DYSF: variants seen among roughly 807,000 people sequenced by gnomAD.
DYSF encodes the protein dysferlin, also known as dystrophy-associated fer-1-like 1.
A neutral mutation model predicts 274.9 loss-of-function variants in DYSF; 212 were observed. That is an observed-to-expected ratio of 0.77 (90% CI 0.69 to 0.86). The LOEUF is 0.86. DYSF is among the 40% of genes least tolerant of loss of function. The pLI, the probability that DYSF is intolerant of heterozygous loss-of-function variation, is 0.00. For missense variants in DYSF, 2,666 were observed against 2,783.2 expected (o/e 0.96, Z 0.95); for synonymous variants, 1,091 against 1,078.7 (o/e 1.01, Z -0.22).
At chr2:71,549,274 C>A in intron 17 of DYSF, 1 of 1,449,456 alleles carries the variant, frequency 6.9e-7, no homozygotes, top group Non-Finnish European at 9.6e-7. Context: ...GCTCTCCATC[C>A]ACAGCCTGTT....
chr2:71,515,814 C>T (rs2086595813), intron 8 of DYSF, 63 bp downstream of exon 8: 14 of 1,607,474 alleles, frequency 8.7e-6, no homozygotes, highest in Non-Finnish European at 1.1e-5. Context: ...AAGCCCAGTG[C>T]AGACACCTGG....
At chr2:71,596,369 A>C (rs1224777592) in intron 32 of DYSF, among the ~76,000 whole-genome samples, 1 of 152,128 alleles carries the variant, frequency 6.6e-6, no homozygotes, top group East Asian at 1.9e-4. Context: ...TGGGGCCCGC[A>C]TGCTTATAAA....
intron 3 of DYSF, 90 bp from the exon 4 acceptor site, chr2:71,503,124 C>A: frequency 8.5e-7 from 1 of 1,179,660 alleles, no homozygotes; most frequent in Non-Finnish European, 1.3e-6. Context: ...GGCAGACCAG[C>A]CTCATCTGAG....
chr2:71,600,477 C>T (rs2152858403), intron 33 of DYSF, among the ~76,000 whole-genome samples: 1 of 152,340 alleles, frequency 6.6e-6, no homozygotes, highest in African/African-American at 2.4e-5. Flanking sequence ...ACTTCCCGAC[C>T]ATGATGGGAA....
intron 1 of DYSF, among the ~76,000 whole-genome samples, chr2:71,475,592 C>T (rs1202855056): frequency 1.3e-5 from 2 of 152,024 alleles, no homozygotes; most frequent in East Asian, 1.9e-4. Flanking sequence ...TAGGAGTTCA[C>T]TAGATCCATC....
chr2:71,611,742 C>T (rs916719501), intron 38 of DYSF, 116 bp downstream of exon 38: 11 of 1,318,230 alleles, frequency 8.3e-6, no homozygotes, highest in Admixed American at 2.0e-5. Flanking sequence ...GGTAGGACCC[C>T]TCACTTTCCT....
chr2:71,667,542 A>G (rs1482444157), intron 48 of DYSF, 27 bp downstream of exon 48: 2 of 1,613,582 alleles, frequency 1.2e-6, no homozygotes, highest in African/African-American at 1.3e-5. Flanking sequence ...TGGGTCCCAG[A>G]GTCCTCGAAC....
intron 12 of DYSF, among the ~76,000 whole-genome samples, chr2:71,522,945 C>T (rs2087460430): frequency 1.3e-5 from 2 of 152,140 alleles, no homozygotes; most frequent in South Asian, 4.1e-4. Flanking sequence ...CATCCCAAGA[C>T]AGGAGTTTGA....
intron 49 of DYSF, 94 bp downstream of exon 49, chr2:71,668,936 G>T (rs1046076993): frequency 7.1e-7 from 1 of 1,415,502 alleles, no homozygotes; most frequent in Non-Finnish European, 9.8e-7. Flanking sequence ...CTTTTCTGCC[G>T]GGCTTCAGGC....
In DYSF at chr2:71,570,247, C is replaced by T. The variant is rs761004535; in HGVS notation, c.2998C>T (p.Pro1000Ser). 6.2e-7 allele frequency: 1 copy of T among 1,614,098 alleles called. No homozygotes were observed. The highest frequency in any genetic ancestry group is 8.5e-7 in the Non-Finnish European group (1 of 1,179,998). Residue 1000 changes from proline to serine, a missense_variant, in exon 28 of 56, where the codon CCC (proline) becomes TCC (serine). By Grantham distance (74) the Pro-to-Ser change is moderately conservative. Transcript: ENST00000410020. ...YTDVNGEKVL[P>S]KDDIECPLGW... ...TCCTTAGAACGGGGAGAAGGTGCTTCCCAAGGATGACATTGAGTGCCCACT... is the reference window on the plus strand; with the variant it reads ...TCCTTAGAACGGGGAGAAGGTGCTTTCCAAGGATGACATTGAGTGCCCACT...
chr2:71,635,279 T>C (rs2094381468), intron 41 of DYSF, among the ~76,000 whole-genome samples: 1 of 152,232 alleles, frequency 6.6e-6, no homozygotes, highest in South Asian at 2.1e-4. Flanking sequence ...AAACATTCTT[T>C]TAAACCTATT....
At chr2:71,493,341 CT>C (rs1343501715) in intron 3 of DYSF, among the ~76,000 whole-genome samples, 1 of 152,144 alleles carries the variant, frequency 6.6e-6, no homozygotes, top group African/African-American at 2.4e-5. Flanking sequence ...TTTCTATAGC[CT>C]CCTTTAATCT....
rs561092851 is a variant in DYSF at position 71,615,772 on chromosome 2, C to T, written c.4464+2362C>T. Among the ~76,000 whole-genome samples the T allele has an allele frequency of 6.6e-6, 1 of 152,178 alleles. No homozygotes were observed. Among genetic ancestry groups the T allele is most frequent in the African/African-American group, 2.4e-5 (1 of 41,448 alleles). On this transcript the variant is annotated intron_variant, in intron 40 of 55. Transcript: ENST00000410020. The surrounding 1 kb of genome is among the most constrained non-coding windows in gnomAD (Gnocchi z 4.9). ...CTCCCTCCTTCCCCAGTGCAGATAG[C>T]ATGAAGGGCCCTGGCTTCTGGGGAC...
chr2:71,503,988 C>G (rs569107054), intron 4 of DYSF, among the ~76,000 whole-genome samples: 20 of 152,358 alleles, frequency 1.3e-4, no homozygotes, highest in African/African-American at 4.3e-4. Flanking sequence ...TGGATTGGAA[C>G]TACTTCCGCC....
At chr2:71,616,707 C>T (rs567800060) in intron 40 of DYSF, among the ~76,000 whole-genome samples, 5 of 152,116 alleles carry the variant, frequency 3.3e-5, no homozygotes, top group African/African-American at 7.2e-5. Context: ...TAAAATGATA[C>T]GTGTTCATTA....
In DYSF at chr2:71,551,114, C is replaced by T. The variant is rs755735777; in HGVS notation, c.1650C>T (p.Phe550=). 2.5e-6 allele frequency: 4 copies of T among 1,614,158 alleles called. No homozygotes were observed. The highest frequency in any genetic ancestry group is 3.4e-6 in the Non-Finnish European group (4 of 1,180,000). ...ACCTCTATGGCAGTCCCAGAGAGTT[C>T]ACAGGCTTCCCAGACCCCTACACAG... is the stretch of plus-strand genomic sequence containing the variant. ...YINLYGSPRE[F]TGFPDPYTEL... The change falls in exon 18 of 56, where the codon TTC becomes TTT. Residue 550 remains phenylalanine (F), a synonymous_variant. Coordinates refer to ENST00000410020, the MANE Select transcript of DYSF (RefSeq NM_001130987.2).
At position 71,459,341 on chromosome 2, in the gene DYSF, A is replaced by G. The variant is rs1443920119; in HGVS notation, c.88+5255A>G. On this transcript the variant is annotated intron_variant, in intron 1 of 54. Coordinates refer to the DYSF transcript ENST00000258104. ...ACTGGCCCAACTCCAGCAGCAAGAG[A>G]TGATTAGAAGCATGCCTTCCTCGAT... is the stretch of plus-strand genomic sequence containing the variant. Among the ~76,000 whole-genome samples, 15 of 152,314 alleles carry G rather than the reference A, an allele frequency of 9.8e-5. No individual in the cohort carries two copies. In the East Asian group the frequency reaches 2.9e-3, roughly 29 times the overall value.
chr2:71,473,821 G>C (rs918239657), intron 1 of DYSF, among the ~76,000 whole-genome samples: 1 of 151,444 alleles, frequency 6.6e-6, no homozygotes, highest in African/African-American at 2.4e-5. Context: ...TCCAGAACTT[G>C]TCATCCTCCC....
At chr2:71,519,393 T>A (rs568188402) in intron 10 of DYSF, among the ~76,000 whole-genome samples, 1 of 152,028 alleles carries the variant, frequency 6.6e-6, no homozygotes, top group African/African-American at 2.4e-5. Flanking sequence ...ATCTATGATT[T>A]AAAAAAAAGA....
Sources: gnomAD v4.1 joint callset for allele counts (sites outside exome capture counted in the v4.1 genomes callset) on GRCh38, gnomAD v4.1.1 for gene constraint, Gnocchi (gnomAD v3.1) non-coding constraint, MANE v1.5 for transcripts, NCBI Gene and HGNC (gene_info 2026-07-23, HGNC 2026-07-21) for gene names.